TNFRSF8: variants seen among roughly 807,000 people sequenced by gnomAD.
TNFRSF8 encodes the protein TNF receptor superfamily member 8, also known as tumor necrosis factor receptor superfamily member 8.
Under a neutral mutation model 70.8 loss-of-function variants are expected in TNFRSF8, and 26 were observed. The observed-to-expected ratio is 0.37, with a 90% confidence interval of 0.27 to 0.51. TNFRSF8 has a LOEUF of 0.51. Ranked by LOEUF, TNFRSF8 falls within the 20% of genes least tolerant of loss-of-function variation. TNFRSF8 has a pLI of 0.94. For missense variants in TNFRSF8, 720 were observed against 807.9 expected (o/e 0.89, Z 1.32); for synonymous variants, 356 against 339.2 (o/e 1.05, Z -0.54).
intron 12 of TNFRSF8, 51 bp downstream of exon 12, chr1:12,126,287 C>A: frequency 1.2e-6 from 2 of 1,607,682 alleles, no homozygotes; most frequent in African/African-American, 1.3e-5. Flanking sequence ...GAACACAGGG[C>A]AGCTCTGGGC....
intron 10 of TNFRSF8, among the ~76,000 whole-genome samples, chr1:12,125,452 G>A (rs1203420446): frequency 3.9e-5 from 6 of 152,162 alleles, no homozygotes; most frequent in Non-Finnish European, 8.8e-5. Context: ...TAGGGTTGGG[G>A]ATCATTCATT....
rs1380890961 is a variant in TNFRSF8 at position 12,113,372 on chromosome 1, C to T, written c.793+1358C>T. Reference sequence around the variant, plus strand: ...TATTTTTAGTAGAGACGGGGTTTCACCATGTTGGCCAGGCTGGTCCCAAAC... The same window carrying T: ...TATTTTTAGTAGAGACGGGGTTTCATCATGTTGGCCAGGCTGGTCCCAAAC... On this transcript the variant is annotated intron_variant, in intron 7 of 14. Coordinates refer to ENST00000263932, the MANE Select transcript of TNFRSF8 (RefSeq NM_001243.5). The surrounding 1 kb of genome is among the most constrained non-coding windows in gnomAD (Gnocchi z 4.9). Among the ~76,000 whole-genome samples the T allele has an allele frequency of 6.6e-6, 1 of 152,190 alleles. No homozygotes were observed. Among genetic ancestry groups the T allele is most frequent in the African/African-American group, 2.4e-5 (1 of 41,444 alleles).
chr1:12,078,836 C>T (rs891129786), intron 1 of TNFRSF8, among the ~76,000 whole-genome samples: 2 of 152,254 alleles, frequency 1.3e-5, no homozygotes, highest in African/African-American at 4.8e-5. Context: ...AGCATTTGCA[C>T]TTCTTTCTGC....
chr1:12,079,887 A>G (rs1641032967), intron 1 of TNFRSF8, among the ~76,000 whole-genome samples: 1 of 150,274 alleles, frequency 6.7e-6, no homozygotes, highest in Non-Finnish European at 1.5e-5. Flanking sequence ...CTGTGTTCTC[A>G]CTCTCTTTAC....
At chr1:12,125,815 C>T in intron 10 of TNFRSF8, 136 bp from the exon 11 acceptor site, 1 of 765,686 alleles carries the variant, frequency 1.3e-6, no homozygotes, top group Non-Finnish European at 2.3e-6. Context: ...AGATAAGAGC[C>T]TTGGCTTGGA....
rs773406872 is a variant in TNFRSF8, at chr1:12,138,373, C to T, written c.1480C>T (p.Pro494Ser). ...GCAGGATGCCAGCCCGGCCGGGGGC[C>T]CCTCGTCCCCCAGGGACCTTCCTGA... is the stretch of plus-strand genomic sequence containing the variant. ...PLQDASPAGG[P>S]SSPRDLPEPR... Residue 494 changes from proline to serine, a missense_variant, in exon 14 of 15, where the codon CCC becomes TCC. Physicochemically the swap from Pro to Ser is moderately conservative, Grantham distance 74 (BLOSUM62 -1). Coordinates refer to ENST00000263932, the MANE Select transcript of TNFRSF8 (RefSeq NM_001243.5). This position sits in a 1 kb window ranked among gnomAD's most constrained non-coding sequence, Gnocchi z 5.7. The T allele has an allele frequency of 3.1e-6, 5 of 1,613,596 alleles. No homozygotes were observed. Among genetic ancestry groups the T allele is most frequent in the Admixed American group, 1.7e-5 (1 of 60,002 alleles).
intron 10 of TNFRSF8, among the ~76,000 whole-genome samples, chr1:12,124,245 G>A (rs1238319260): frequency 6.6e-6 from 1 of 152,062 alleles, no homozygotes; most frequent in African/African-American, 2.4e-5. Context: ...CTGACCTCAG[G>A]TGATCCACCT....
Position 12,110,575 on chromosome 1 carries a change from C to T in TNFRSF8, c.676+371C>T, listed in dbSNP as rs985668604. On this transcript the variant is annotated intron_variant, in intron 6 of 14. Transcript: ENST00000263932. The surrounding 1 kb of genome is among the most constrained non-coding windows in gnomAD (Gnocchi z 4.0). Reference sequence around the variant, plus strand: ...TCTGATGCCCTCCTGGTCTCCATGGCGAAGGGTCGACCCTCAGTCATTTTT... The same window carrying T: ...TCTGATGCCCTCCTGGTCTCCATGGTGAAGGGTCGACCCTCAGTCATTTTT... Among the ~76,000 whole-genome samples, 6 of 152,140 alleles carry T rather than the reference C, an allele frequency of 3.9e-5. No individual in the cohort carries two copies. The highest frequency in any genetic ancestry group is 4.1e-4 in the South Asian group (2 of 4,824).
intron 2 of TNFRSF8, among the ~76,000 whole-genome samples, chr1:12,096,566 T>C (rs1641335080): frequency 6.6e-6 from 1 of 152,126 alleles, no homozygotes; most frequent in Admixed American, 6.5e-5. Flanking sequence ...GTCTAGACTT[T>C]CATGGTCTAA....
At chr1:12,140,533 C>G (rs1320985818) in intron 14 of TNFRSF8, among the ~76,000 whole-genome samples, 1 of 152,214 alleles carries the variant, frequency 6.6e-6, no homozygotes, top group African/African-American at 2.4e-5. Flanking sequence ...AAGCCACCCC[C>G]ACAGCCTGGG....
rs947574120 is a variant in TNFRSF8 at position 12,110,163 on chromosome 1, C to T, written c.635C>T (p.Pro212Leu). 1.2e-6 allele frequency: 2 copies of T among 1,611,140 alleles called. No homozygotes were observed. Among genetic ancestry groups the T allele is most frequent in the Admixed American group, 1.7e-5 (1 of 59,600 alleles). ...GCTGCTTCTAAACTGACGAGGGCTC[C>T]CGACTCTCCCTCCTCTGTGGGAAGG... ...QEAASKLTRA[P>L]DSPSSVGRPS... Residue 212 changes from proline to leucine, a missense_variant, in exon 6 of 15, where the codon CCC becomes CTC. Pro to Leu is a moderately conservative substitution (Grantham distance 98). Transcript: ENST00000263932. This position sits in a 1 kb window ranked among gnomAD's most constrained non-coding sequence, Gnocchi z 4.0.
At chr1:12,089,893 CACCTATCT>C (rs987152602) in intron 2 of TNFRSF8, among the ~76,000 whole-genome samples, 1 of 150,250 alleles carries the variant, frequency 6.7e-6, no homozygotes, top group Non-Finnish European at 1.5e-5. Flanking sequence ...TCCATCTATC[CACCTATCT>C]ACCTGCCCAT....
intron 1 of TNFRSF8, among the ~76,000 whole-genome samples, chr1:12,074,359 A>G (rs1640900697): frequency 6.6e-6 from 1 of 150,848 alleles, no homozygotes; most frequent in African/African-American, 2.4e-5. Context: ...GGCTCACTGC[A>G]ACCTCCGCCT....
intron 8 of TNFRSF8, among the ~76,000 whole-genome samples, chr1:12,116,211 C>T (rs777900437): frequency 4.6e-5 from 7 of 151,936 alleles, no homozygotes; most frequent in Non-Finnish European, 7.4e-5. Context: ...GAACTCCCGA[C>T]CTCAGGTGAT....
intron 1 of TNFRSF8, among the ~76,000 whole-genome samples, chr1:12,083,168 A>C (rs758810891): frequency 2.6e-5 from 4 of 152,238 alleles, no homozygotes; most frequent in Admixed American, 1.3e-4. Context: ...CCAAGTGCTG[A>C]CAAGGATGTG....
chr1:12,063,804 C>A lies in TNFRSF8; in HGVS notation c.63+143C>A. The A allele has an allele frequency of 1.3e-6, 1 of 772,478 alleles. No individual in the cohort carries two copies. The highest frequency in any genetic ancestry group is 1.8e-6 in the Non-Finnish European group (1 of 566,664). 47.9% of individuals were successfully genotyped at this position (772,478 alleles called of 1,614,324 possible). The stretch of plus-strand genomic sequence containing the variant: ...GGGGCGCGGGTGACAAGCAGGAACA[C>A]CGGAATATGCTAGCACCCACAGGTG... On this transcript the variant is annotated intron_variant, in intron 1 of 14. Transcript: ENST00000263932. The surrounding 1 kb of genome is among the most constrained non-coding windows in gnomAD (Gnocchi z 7.2).
At chr1:12,128,548 C>T (rs1444366117) in intron 12 of TNFRSF8, among the ~76,000 whole-genome samples, 1 of 152,222 alleles carries the variant, frequency 6.6e-6, no homozygotes, top group Non-Finnish European at 1.5e-5. Context: ...CAGCCTAAGG[C>T]ACAGGATGGT....
At chr1:12,085,567 A>T (rs953193027) in intron 2 of TNFRSF8, among the ~76,000 whole-genome samples, 1 of 152,110 alleles carries the variant, frequency 6.6e-6, no homozygotes. Flanking sequence ...GCCGTTCTTG[A>T]CTGCCCCAGC....
intron 1 of TNFRSF8, among the ~76,000 whole-genome samples, chr1:12,082,688 G>A (rs941007214): frequency 3.3e-5 from 5 of 152,018 alleles, no homozygotes; most frequent in African/African-American, 2.4e-5. Flanking sequence ...GAATATGAAC[G>A]ATTAAACAAT....
Sources: gnomAD v4.1 joint callset for allele counts (sites outside exome capture counted in the v4.1 genomes callset) on GRCh38, gnomAD v4.1.1 for gene constraint, Gnocchi (gnomAD v3.1) non-coding constraint, MANE v1.5 for transcripts, NCBI Gene and HGNC (gene_info 2026-07-23, HGNC 2026-07-21) for gene names.